Variants in LSAMP observed in about 807,000 individuals in gnomAD.
The protein encoded by LSAMP is limbic system associated membrane protein.
In LSAMP, 7 loss-of-function variants were observed where a neutral mutation model predicts 38.6. The ratio of observed to expected loss-of-function variants is 0.18; its 90% CI spans 0.10 to 0.34. The LOEUF (loss-of-function observed/expected upper bound fraction) is 0.34. Ranked by LOEUF, LSAMP falls within the 10% of genes least tolerant of loss-of-function variation. The pLI, the probability that LSAMP is intolerant of heterozygous loss-of-function variation, is 1.00. For synonymous variants in LSAMP, 154 were observed against 166.8 expected, an observed-to-expected ratio of 0.92 and a Z score of 0.59; for missense variants, 313 against 420.0, an observed-to-expected ratio of 0.75 and a Z score of 2.23.
chr3:115,822,342 C>A (rs941217431), intron 6 of LSAMP, among the ~76,000 whole-genome samples: 10 of 144,442 alleles, frequency 6.9e-5, no homozygotes, highest in African/African-American at 2.5e-4. Flanking sequence ...TTTCTTTCTT[C>A]TTTCTCTCTT....
chr3:115,802,733 A>G lies in LSAMP; in HGVS notation c.*7584T>C, dbSNP rs1394567328. The stretch of plus-strand genomic sequence containing the variant: ...GGAATATATTTATATATATATTTAT[A>G]TGTATATAACACTGTTAATAAGGAG... On this transcript the variant is annotated 3_prime_UTR_variant, in exon 7 of 7. Transcript: ENST00000490035. The G allele has an allele frequency of 1.3e-5, 2 of 151,944 alleles. No individual in the cohort carries two copies. Among genetic ancestry groups the G allele is most frequent in the Non-Finnish European group, 2.9e-5 (2 of 67,994 alleles). 9.4% of individuals were successfully genotyped at this position (151,944 alleles called of 1,614,324 possible). A position where few individuals can be genotyped will look rare whatever the true frequency, so the allele number is the denominator to read the frequency against.
intron 1 of LSAMP, among the ~76,000 whole-genome samples, chr3:116,304,866 T>C (rs559316342): frequency 2.6e-5 from 4 of 152,050 alleles, no homozygotes; most frequent in Admixed American, 6.6e-5. Context: ...AGATGGAGGA[T>C]GGAAAGGTGG....
intron 3 of LSAMP, among the ~76,000 whole-genome samples, chr3:115,857,902 A>G (rs1935557170): frequency 6.6e-6 from 1 of 152,220 alleles, no homozygotes; most frequent in African/African-American, 2.4e-5. Context: ...CAAATCAGCC[A>G]GGAATAACTC....
At chr3:115,972,045 C>G (rs1487896270) in intron 3 of LSAMP, among the ~76,000 whole-genome samples, 26 of 151,946 alleles carry the variant, frequency 1.7e-4, no homozygotes. Flanking sequence ...TTAGGTTTAG[C>G]ACACTAATAG....
In LSAMP at chr3:116,387,977, G is replaced by A. The variant is rs1196828393; in HGVS notation, c.155+56900C>T. Among the ~76,000 whole-genome samples, 12 of 152,130 alleles carry A rather than the reference G, an allele frequency of 7.9e-5. No individual in the cohort carries two copies. In the South Asian group the frequency reaches 2.1e-3, roughly 26 times the overall value. Reference sequence around the variant, plus strand: ...AAATGAGTTGGGTGTGGTGGTGGGTGCCTGTAGTCCCAGCTACTCGGGAGG... The same window carrying A: ...AAATGAGTTGGGTGTGGTGGTGGGTACCTGTAGTCCCAGCTACTCGGGAGG... On this transcript the variant is annotated intron_variant, in intron 1 of 6. Transcript: ENST00000490035.
intron 3 of LSAMP, among the ~76,000 whole-genome samples, chr3:115,942,432 G>A (rs1301314551): frequency 6.6e-6 from 1 of 152,142 alleles, no homozygotes; most frequent in Non-Finnish European, 1.5e-5. Context: ...GACTGGGTCA[G>A]TTTCTCCTCT....
At chr3:116,011,380 T>C (rs984825065) in intron 3 of LSAMP, among the ~76,000 whole-genome samples, 1 of 152,160 alleles carries the variant, frequency 6.6e-6, no homozygotes, top group Non-Finnish European at 1.5e-5. Flanking sequence ...TAAGCAGTCA[T>C]GTATCAAGTA....
chr3:116,008,287 C>G (rs1940223716), intron 3 of LSAMP, among the ~76,000 whole-genome samples: 1 of 152,150 alleles, frequency 6.6e-6, no homozygotes, highest in South Asian at 2.1e-4. Flanking sequence ...TACTTAAACC[C>G]ATATAAAAGT....
intron 1 of LSAMP, among the ~76,000 whole-genome samples, chr3:116,101,051 T>A (rs187574096): frequency 2.0e-5 from 3 of 152,338 alleles, no homozygotes; most frequent in African/African-American, 7.2e-5. Flanking sequence ...GCCCAAACCA[T>A]GTCTTCTCAA....
rs1935369167 is a variant in LSAMP, at chr3:115,852,577, A to G, written c.555T>C (p.Leu185=). The G allele has an allele frequency of 6.2e-7, 1 of 1,613,784 alleles. No individual in the cohort carries two copies. The highest frequency in any genetic ancestry group is 1.3e-5 in the African/African-American group (1 of 75,020). Residue 185 remains leucine, a synonymous_variant, in exon 4 of 7, where the codon CTT becomes CTC. Coordinates refer to ENST00000490035, the MANE Select transcript of LSAMP (RefSeq NM_002338.5). ...TGCCTGACTGCTCCCTGGTGATGCC[A>G]AGGATCTCCAGATATTCTTCTTCTC... The part of the protein sequence containing the change: ...FEGEEEYLEI[L]GITREQSGKY...
intron 1 of LSAMP, chr3:116,368,294 A>G (rs2048382790): frequency 6.6e-6 from 1 of 152,196 alleles, no homozygotes; most frequent in African/African-American, 2.4e-5. Context: ...TCATAACTCC[A>G]AAAGACGCAT....
intron 1 of LSAMP, among the ~76,000 whole-genome samples, chr3:116,270,852 A>C (rs558609460): frequency 2.6e-4 from 40 of 152,276 alleles, no homozygotes; most frequent in African/African-American, 9.4e-4. Flanking sequence ...GCAGTAAAAA[A>C]ATACTGTAAC....
At chr3:115,880,144 G>A (rs752661784) in intron 3 of LSAMP, among the ~76,000 whole-genome samples, 25 of 152,124 alleles carry the variant, frequency 1.6e-4, no homozygotes, top group African/African-American at 4.6e-4. Context: ...TGATTTCTCC[G>A]GTGACCATTT....
intron 1 of LSAMP, among the ~76,000 whole-genome samples, chr3:116,292,412 T>C (rs957357805): frequency 1.3e-5 from 2 of 152,144 alleles, no homozygotes; most frequent in Non-Finnish European, 2.9e-5. Context: ...TAAATGACAT[T>C]GTATAAATGT....
chr3:116,326,727 T>C (rs963074861), intron 1 of LSAMP, among the ~76,000 whole-genome samples: 11 of 152,212 alleles, frequency 7.2e-5, no homozygotes, highest in Non-Finnish European at 1.3e-4. Context: ...GTGAGAAAAA[T>C]GTATGTGAAA....
intron 1 of LSAMP, among the ~76,000 whole-genome samples, chr3:116,144,760 C>T (rs1470483092): frequency 6.6e-6 from 1 of 151,736 alleles, no homozygotes; most frequent in Non-Finnish European, 1.5e-5. Flanking sequence ...TTTTTTATTA[C>T]ATCTTACTTT....
chr3:116,241,438 C>T (rs1201810361), intron 1 of LSAMP, among the ~76,000 whole-genome samples: 2 of 151,412 alleles, frequency 1.3e-5, no homozygotes, highest in African/African-American at 2.4e-5. Context: ...TGGTGACACA[C>T]GCCTGTAGTC....
At chr3:116,193,415 A>T (rs1420669764) in intron 1 of LSAMP, among the ~76,000 whole-genome samples, 1 of 152,146 alleles carries the variant, frequency 6.6e-6, no homozygotes, top group Non-Finnish European at 1.5e-5. Flanking sequence ...CCTGGTAGAG[A>T]AGTTCAAAAA....
intron 1 of LSAMP, among the ~76,000 whole-genome samples, chr3:116,150,001 A>G (rs1164804169): frequency 2.0e-5 from 3 of 152,096 alleles, no homozygotes; most frequent in South Asian, 2.1e-4. Context: ...ACATTCATTA[A>G]TCTGACTGCA....
Sources: gnomAD v4.1 joint callset for allele counts (sites outside exome capture counted in the v4.1 genomes callset) on GRCh38, gnomAD v4.1.1 for gene constraint, MANE v1.5 for transcripts, NCBI Gene and HGNC (gene_info 2026-07-23, HGNC 2026-07-21) for gene names.